Variants in SAXO1 observed in about 807,000 individuals in gnomAD.
The protein encoded by SAXO1 is stabilizer of axonemal microtubules 1.
Under a neutral mutation model 17.5 loss-of-function variants are expected in SAXO1, and 21 were observed. The ratio of observed to expected loss-of-function variants is 1.20; its 90% CI spans 0.85 to 1.72. SAXO1 has a LOEUF of 1.72. SAXO1 is among the 40% of genes most tolerant of loss of function. The probability of loss-of-function intolerance (pLI) is 0.00; values close to 1 mark genes in which losing one functional copy is unlikely to be tolerated. For missense variants in SAXO1, 843 were observed against 596.0 expected, an observed-to-expected ratio of 1.41 and a Z score of -4.32; for synonymous variants, 274 against 216.5, an observed-to-expected ratio of 1.27 and a Z score of -2.33.
chr9:19,010,774 A>G (rs991714316), intron 1 of SAXO1, among the ~76,000 whole-genome samples: 8 of 152,212 alleles, frequency 5.3e-5, no homozygotes, highest in Admixed American at 2.0e-4. Flanking sequence ...TTTTCTTTCA[A>G]TGTGATTACC....
In SAXO1 at chr9:18,997,994, A is replaced by G. The variant is rs112586752; in HGVS notation, c.38+34877T>C. ...ACATCAAAGACCAAAGGTAGATAAAACCTCTAACATGGAGAGAAACCAGAG... is the reference window on the plus strand; with the variant it reads ...ACATCAAAGACCAAAGGTAGATAAAGCCTCTAACATGGAGAGAAACCAGAG... On this transcript the variant is annotated intron_variant, in intron 1 of 3. Transcript: ENST00000380534. Among the ~76,000 whole-genome samples the G allele has an allele frequency of 1.0e-3, 153 of 152,246 alleles. 1 individual carries two copies. Among genetic ancestry groups the G allele is most frequent in the African/African-American group, 3.5e-3 (147 of 41,534 alleles).
intron 3 of SAXO1, among the ~76,000 whole-genome samples, chr9:18,939,962 A>T (rs1301833598): frequency 6.6e-6 from 1 of 152,222 alleles, no homozygotes; most frequent in Non-Finnish European, 1.5e-5. Context: ...AGATATGCTC[A>T]GGTGTGTGCC....
rs775750490 is a variant in SAXO1 at position 19,032,900 on chromosome 9, C to A, written c.9G>T (p.Thr3=). Residue 3 remains threonine, a synonymous_variant, in exon 1 of 4, where the codon ACG becomes ACT. Transcript: ENST00000380534. Reference sequence around the variant, plus strand: ...AGGAGCACAGTTCACAGATGCACTTCGTCTTCATAGGGGCGATCCTGAGGC... The same window carrying A: ...AGGAGCACAGTTCACAGATGCACTTAGTCTTCATAGGGGCGATCCTGAGGC... MK[T]KCICELCSCG... The A allele has an allele frequency of 3.1e-6, 5 of 1,610,472 alleles. No homozygotes were observed. The highest frequency in any genetic ancestry group is 3.4e-6 in the Non-Finnish European group (4 of 1,179,692).
intron 1 of SAXO1, among the ~76,000 whole-genome samples, chr9:19,026,403 A>G (rs989281250): frequency 4.6e-5 from 7 of 152,178 alleles, no homozygotes; most frequent in African/African-American, 1.7e-4. Flanking sequence ...ATTAATCTCA[A>G]TGTTTCTATT....
At chr9:19,048,469 AAG>A (rs1432274072) in intron 1 of SAXO1, among the ~76,000 whole-genome samples, 4 of 152,110 alleles carry the variant, frequency 2.6e-5, no homozygotes, top group African/African-American at 9.7e-5. Flanking sequence ...AAGAAAAAAA[AAG>A]GACTTTAAGG....
intron 3 of SAXO1, among the ~76,000 whole-genome samples, chr9:18,931,477 G>A: frequency 6.6e-6 from 1 of 152,180 alleles, no homozygotes; most frequent in East Asian, 1.9e-4. Flanking sequence ...GAGCCTTTGT[G>A]AAGAAGTCTG....
intron 1 of SAXO1, among the ~76,000 whole-genome samples, chr9:18,984,938 G>C (rs964814148): frequency 1.3e-5 from 2 of 152,154 alleles, no homozygotes; most frequent in African/African-American, 4.8e-5. Context: ...TAAAGTGATA[G>C]AGGTGCGACT....
intron 1 of SAXO1, among the ~76,000 whole-genome samples, chr9:19,045,494 C>T (rs1326878458): frequency 6.6e-6 from 1 of 152,100 alleles, no homozygotes; most frequent in African/African-American, 2.4e-5. Context: ...ACCAGAGACA[C>T]AGAGGACTGA....
intron 1 of SAXO1, among the ~76,000 whole-genome samples, chr9:18,979,137 C>A (rs1473340880): frequency 1.3e-5 from 2 of 152,166 alleles, no homozygotes. Flanking sequence ...TTATACACAG[C>A]AACTATAGGT....
chr9:19,004,618 G>A (rs533560216), intron 1 of SAXO1, among the ~76,000 whole-genome samples: 2 of 152,164 alleles, frequency 1.3e-5, no homozygotes, highest in South Asian at 2.1e-4. Context: ...TCACAAGGAC[G>A]GAAAACCAAA....
intron 1 of SAXO1, among the ~76,000 whole-genome samples, chr9:19,020,560 T>C (rs1347843716): frequency 6.6e-6 from 1 of 152,142 alleles, no homozygotes; most frequent in African/African-American, 2.4e-5. Context: ...GGTTTCACCA[T>C]GCAGCCCAGG....
intron 1 of SAXO1, among the ~76,000 whole-genome samples, chr9:18,960,122 C>G (rs1887446): frequency 2.6e-5 from 4 of 152,014 alleles, no homozygotes; most frequent in African/African-American, 4.8e-5. Flanking sequence ...GCCCCTCCCC[C>G]CTTGGCAATG....
At chr9:19,047,921 G>C (rs770988456) in intron 1 of SAXO1, among the ~76,000 whole-genome samples, 8 of 152,148 alleles carry the variant, frequency 5.3e-5, no homozygotes, top group Non-Finnish European at 1.0e-4. Context: ...CCCCAGAATG[G>C]TGGTGAAAGG....
intron 1 of SAXO1, among the ~76,000 whole-genome samples, chr9:18,992,358 T>G (rs933645698): frequency 2.4e-4 from 37 of 152,228 alleles, no homozygotes; most frequent in African/African-American, 7.7e-4. Flanking sequence ...ATTCTCCCTG[T>G]GTCTTCACAT....
chr9:18,930,785 C>A (rs1333958509), intron 3 of SAXO1, among the ~76,000 whole-genome samples: 1 of 152,198 alleles, frequency 6.6e-6, no homozygotes, highest in Non-Finnish European at 1.5e-5. Context: ...AGGCGTGAGC[C>A]ACCACGCCCG....
chr9:19,039,603 G>A (rs1375461461), intron 1 of SAXO1, among the ~76,000 whole-genome samples: 1 of 152,224 alleles, frequency 6.6e-6, no homozygotes, highest in African/African-American at 2.4e-5. Context: ...GAAATCAAGT[G>A]ATAAAGGAGT....
At chr9:19,041,032 T>C (rs1455736932) in intron 1 of SAXO1, among the ~76,000 whole-genome samples, 3 of 151,742 alleles carry the variant, frequency 2.0e-5, no homozygotes, top group East Asian at 3.8e-4. Context: ...TATGTTCTTA[T>C]ATTTGGAAAA....
rs76264442 is a variant in SAXO1 at position 18,960,067 on chromosome 9, C to T, written c.39-9130G>A. Among the ~76,000 whole-genome samples the T allele has an allele frequency of 1.1e-4, 16 of 152,300 alleles. No individual in the cohort carries two copies. In the East Asian group the frequency reaches 2.7e-3, roughly 26 times the overall value. On this transcript the variant is annotated intron_variant, in intron 1 of 3. Coordinates refer to ENST00000380534, the MANE Select transcript of SAXO1 (RefSeq NM_153707.4). ...CTGAGGGATGGGAGAGAGCAGCAAA[C>T]GATATGTTCAGCGGCTACTGGAGAG...
rs767223332 is a variant in SAXO1, at chr9:18,928,536, G to A, written c.941C>T (p.Pro314Leu). Residue 314 changes from proline (P) to leucine (L), a missense_variant, in exon 4 of 4, where the codon CCT becomes CTT. Coordinates refer to ENST00000380534, the MANE Select transcript of SAXO1 (RefSeq NM_153707.4). ...GCAGGACTGAGCTGGGGCACCCTTA[G>A]GGCATGTGTAATGGGCCTGCACTGT... is the stretch of plus-strand genomic sequence containing the variant. ...LTTVQAHYTC[P>L]KGAPAQSCRP... 1.2e-6 allele frequency: 2 copies of A among 1,613,944 alleles called. No homozygotes were observed. The highest frequency in any genetic ancestry group is 2.2e-5 in the South Asian group (2 of 91,066).
Sources: allele counts gnomAD v4.1 joint callset (sites outside exome capture counted in the v4.1 genomes callset), GRCh38; gene constraint gnomAD v4.1.1; transcripts MANE v1.5; gene names NCBI Gene and HGNC (gene_info 2026-07-23, HGNC 2026-07-21).